Variants in ZSCAN18 observed in about 807,000 individuals in gnomAD.
The protein encoded by ZSCAN18 is zinc finger and SCAN domain-containing protein 18.
In ZSCAN18, 16 loss-of-function variants were observed where a neutral mutation model predicts 31.1. The ratio of observed to expected loss-of-function variants is 0.51; its 90% CI spans 0.35 to 0.78. The LOEUF (loss-of-function observed/expected upper bound fraction) is 0.78, where lower values mean the gene tolerates loss of function less well. ZSCAN18 is among the 30% of genes least tolerant of loss of function. ZSCAN18 has a pLI of 0.01. For synonymous variants in ZSCAN18, 375 were observed against 320.7 expected (o/e 1.17, Z -1.81); for missense variants, 731 against 697.4 (o/e 1.05, Z -0.54).
upstream of ZSCAN18, among the ~76,000 whole-genome samples, chr19:58,102,486 A>C (rs191039645): frequency 4.1e-3 from 600 of 147,072 alleles, 7 homozygotes; most frequent in African/African-American, 0.012. Flanking sequence ...ACAAACAAAC[A>C]AACAAACCAT....
Position 58,085,342 on chromosome 19 carries a change from G to T in ZSCAN18, c.876C>A (p.Cys292Ter), listed in dbSNP as rs558221884. 5 of 1,593,114 alleles carry T rather than the reference G, an allele frequency of 3.1e-6. No homozygotes were observed. The highest frequency in any genetic ancestry group is 4.2e-6 in the Non-Finnish European group (5 of 1,177,658). The part of the protein sequence containing the change: ...GRRQESAGCA[C>*]EEAAPAGVLP... ...GCACCCCCGCGGGGGCGGCCTCCTC[G>T]CAGGCGCACCCAGCGCTCTCCTGCC... The change falls in exon 7 of 7, where the codon TGC becomes TGA. Residue 292 changes from cysteine to a stop codon, truncating the protein, a stop_gained. Transcript: ENST00000601144. LOFTEE classifies it low-confidence loss of function (END_TRUNC).
intron 1 of ZSCAN18, chr19:58,092,771 CTTT>C (rs925285750): frequency 4.3e-3 from 3,254 of 753,168 alleles, no homozygotes; most frequent in Non-Finnish European, 4.8e-3. Flanking sequence ...GATACCTCTA[CTTT>C]TTTTTTTTTT....
At chr19:58,106,168 G>A (rs1016992029) in intron 1 of ZSCAN18, among the ~76,000 whole-genome samples, 5 of 152,100 alleles carry the variant, frequency 3.3e-5, no homozygotes, top group African/African-American at 1.2e-4. Context: ...TTGTCAGGAT[G>A]AGGCAAGAGG....
At chr19:58,094,303 C>A (rs559042723) in intron 1 of ZSCAN18, among the ~76,000 whole-genome samples, 126 of 151,288 alleles carry the variant, frequency 8.3e-4, no homozygotes, top group Non-Finnish European at 1.6e-3. Flanking sequence ...CCCAGCTACT[C>A]AGGAGGCCGA....
chr19:58,086,080 T>C (rs776001413), intron 6 of ZSCAN18, 94 bp downstream of exon 6: 32 of 1,050,712 alleles, frequency 3.0e-5, no homozygotes, highest in Non-Finnish European at 4.7e-5. Context: ...GCTGAGGTCT[T>C]TGCTGGGGCT....
intron 1 of ZSCAN18, chr19:58,108,621 G>A (rs1019664700): frequency 9.1e-6 from 9 of 985,596 alleles, no homozygotes; most frequent in Non-Finnish European, 1.1e-5. Flanking sequence ...GAGTCCTCTG[G>A]TGACTGATGA....
intron 1 of ZSCAN18, chr19:58,108,573 T>C: frequency 2.0e-6 from 2 of 985,870 alleles, no homozygotes; most frequent in Non-Finnish European, 2.4e-6. Flanking sequence ...AGAGGGATTT[T>C]CCACAGTCAT....
chr19:58,100,495 T>G (rs117958372), upstream of ZSCAN18, among the ~76,000 whole-genome samples: 3 of 152,176 alleles, frequency 2.0e-5, no homozygotes, highest in East Asian at 5.8e-4. Context: ...CCCACTGGAG[T>G]CACCTCATTA....
intron 1 of ZSCAN18, chr19:58,093,232 G>C (rs1265834983): frequency 6.6e-6 from 1 of 152,372 alleles, no homozygotes; most frequent in Non-Finnish European, 1.5e-5. Flanking sequence ...GCATACCCAG[G>C]AGAGTAAGGG....
chr19:58,084,661 T>C lies in ZSCAN18; in HGVS notation c.*24A>G, dbSNP rs2074221997. On this transcript the variant is annotated 3_prime_UTR_variant, in exon 7 of 7. Coordinates refer to ENST00000601144, the MANE Select transcript of ZSCAN18 (RefSeq NM_001145543.2). The surrounding 1 kb of genome is among the most constrained non-coding windows in gnomAD (Gnocchi z 4.5). ...GATTCACGGCCGGCAAAGCGGCCCCTCCGGAACGGGACAGCACAGCGGCTC... is the reference window on the plus strand; with the variant it reads ...GATTCACGGCCGGCAAAGCGGCCCCCCCGGAACGGGACAGCACAGCGGCTC... The C allele has an allele frequency of 1.4e-6, 2 of 1,453,604 alleles. No homozygotes were observed. The highest frequency in any genetic ancestry group is 1.8e-6 in the Non-Finnish European group (2 of 1,110,460). 90.0% of individuals were successfully genotyped at this position (1,453,604 alleles called of 1,614,324 possible).
At chr19:58,117,430 T>C (rs989352403) in intron 1 of ZSCAN18, among the ~76,000 whole-genome samples, 1 of 151,864 alleles carries the variant, frequency 6.6e-6, no homozygotes, top group Admixed American at 6.6e-5. Context: ...GGAGGAAGCC[T>C]GGCTGGGAAT....
At chr19:58,109,198 A>G (rs2074659521) in intron 1 of ZSCAN18, 3 of 1,231,672 alleles carry the variant, frequency 2.4e-6, no homozygotes, top group Non-Finnish European at 3.0e-6. Context: ...TAATGCAGAT[A>G]AAACAGGAAT....
intron 1 of ZSCAN18, among the ~76,000 whole-genome samples, chr19:58,096,133 T>C (rs1473811420): frequency 6.6e-6 from 1 of 152,126 alleles, no homozygotes; most frequent in Non-Finnish European, 1.5e-5. Flanking sequence ...TGGGGAGTCT[T>C]AAGCAGGAGG....
chr19:58,117,510 G>C (rs115156092), intron 1 of ZSCAN18, among the ~76,000 whole-genome samples: 1 of 152,134 alleles, frequency 6.6e-6, no homozygotes, highest in Admixed American at 6.5e-5. Flanking sequence ...CATCTCTTGG[G>C]ATAAAGGAGA....
At position 58,088,695 on chromosome 19, in the gene ZSCAN18, A is replaced by C. The variant is rs952407568; in HGVS notation, c.546T>G (p.Ser182=). The change falls in exon 3 of 7, where the codon TCT becomes TCG. Residue 182 remains serine, a synonymous_variant. Transcript: ENST00000601144. ...ALGAGEIPAP[S]ETPWLSPDPL... ...GGCTAGCTGGGCACTCACGTGTCTC[A>C]GAAGGTGCCGGGATCTCCCCAGCTC... is the stretch of plus-strand genomic sequence containing the variant. 6.2e-6 allele frequency: 10 copies of C among 1,609,312 alleles called. No individual in the cohort carries two copies. Among genetic ancestry groups the C allele is most frequent in the Non-Finnish European group, 8.5e-6 (10 of 1,179,906 alleles).
intron 1 of ZSCAN18, among the ~76,000 whole-genome samples, chr19:58,097,728 C>T (rs549421179): frequency 1.7e-5 from 2 of 118,688 alleles, no homozygotes; most frequent in South Asian, 7.5e-4. Context: ...CCCTTCTCTT[C>T]CCCACTCAGG....
chr19:58,115,337 AT>A (rs879841160), intron 1 of ZSCAN18, among the ~76,000 whole-genome samples: 27 of 152,374 alleles, frequency 1.8e-4, no homozygotes, highest in Admixed American at 1.3e-3. Context: ...AAAACTTCAA[AT>A]TCCATTTAAA....
At chr19:58,095,191 G>T (rs975008533) in intron 1 of ZSCAN18, among the ~76,000 whole-genome samples, 3 of 152,210 alleles carry the variant, frequency 2.0e-5, no homozygotes, top group Non-Finnish European at 4.4e-5. Context: ...TCTACTTGGT[G>T]CATGGACAGA....
At chr19:58,113,341 A>G (rs1168015152) in intron 1 of ZSCAN18, among the ~76,000 whole-genome samples, 4 of 151,330 alleles carry the variant, frequency 2.6e-5, no homozygotes, top group South Asian at 4.2e-4. Context: ...GGGGCAGAAG[A>G]AAAATGTGGG....
Sources: allele counts gnomAD v4.1 joint callset (sites outside exome capture counted in the v4.1 genomes callset), GRCh38; gene constraint gnomAD v4.1.1; non-coding constraint Gnocchi (gnomAD v3.1); transcripts MANE v1.5; gene names NCBI Gene and HGNC (gene_info 2026-07-23, HGNC 2026-07-21).